The following LHFPL3 variants were observed in gnomAD, a reference collection of about 807,000 sequenced individuals.
LHFPL3 encodes the protein LHFPL tetraspan subfamily member 3, also known as LHFPL tetraspan subfamily member 3 protein.
A neutral mutation model predicts 19.3 loss-of-function variants in LHFPL3; 5 were observed. The ratio of observed to expected loss-of-function variants is 0.26; its 90% CI spans 0.14 to 0.54. The LOEUF is 0.54. Ranked by LOEUF, LHFPL3 falls within the 20% of genes least tolerant of loss-of-function variation. The probability of loss-of-function intolerance (pLI) is 0.94; values close to 1 mark genes in which losing one functional copy is unlikely to be tolerated. For missense variants in LHFPL3, 249 were observed against 307.4 expected, an observed-to-expected ratio of 0.81 and a Z score of 1.42; for synonymous variants, 133 against 126.2, an observed-to-expected ratio of 1.05 and a Z score of -0.36.
chr7:104,754,269 G>A (rs2116353008), intron 2 of LHFPL3, among the ~76,000 whole-genome samples: 1 of 152,288 alleles, frequency 6.6e-6, no homozygotes, highest in African/African-American at 2.4e-5. Flanking sequence ...TTATCACTTA[G>A]ATAAATTAGA....
chr7:104,382,477 T>A (rs1790846838), intron 1 of LHFPL3, among the ~76,000 whole-genome samples: 1 of 152,166 alleles, frequency 6.6e-6, no homozygotes, highest in African/African-American at 2.4e-5. Context: ...AAACCACTGG[T>A]CTGGTTACCC....
At chr7:104,606,847 T>C (rs1791111873) in intron 1 of LHFPL3, among the ~76,000 whole-genome samples, 2 of 151,934 alleles carry the variant, frequency 1.3e-5, no homozygotes, top group African/African-American at 4.8e-5. Context: ...CATAAAGGTG[T>C]GGAAAATGGT....
intron 1 of LHFPL3, among the ~76,000 whole-genome samples, chr7:104,412,855 G>C (rs1427041244): frequency 6.6e-6 from 1 of 152,024 alleles, no homozygotes; most frequent in African/African-American, 2.4e-5. Context: ...CCTACTAAAA[G>C]CAATCTATTT....
chr7:104,849,841 A>G (rs916899046), intron 2 of LHFPL3, among the ~76,000 whole-genome samples: 1 of 152,252 alleles, frequency 6.6e-6, no homozygotes, highest in African/African-American at 2.4e-5. Flanking sequence ...ATAGTCAAAC[A>G]AGGTGGATCA....
At chr7:104,474,033 C>T (rs556711962) in intron 1 of LHFPL3, among the ~76,000 whole-genome samples, 1 of 152,256 alleles carries the variant, frequency 6.6e-6, no homozygotes, top group African/African-American at 2.4e-5. Flanking sequence ...ACTGCTCTGC[C>T]CTCAAACCTG....
At chr7:104,841,183 G>C (rs973607802) in intron 2 of LHFPL3, among the ~76,000 whole-genome samples, 1 of 152,094 alleles carries the variant, frequency 6.6e-6, no homozygotes, top group Non-Finnish European at 1.5e-5. Flanking sequence ...CCATCTTATA[G>C]AAAAATGCAC....
At chr7:104,364,526 T>G (rs1790448398) in intron 1 of LHFPL3, among the ~76,000 whole-genome samples, 1 of 152,220 alleles carries the variant, frequency 6.6e-6, no homozygotes, top group African/African-American at 2.4e-5. Flanking sequence ...AACCCAGATC[T>G]TCTACCAAAA....
intron 1 of LHFPL3, among the ~76,000 whole-genome samples, chr7:104,433,127 C>T (rs1403007119): frequency 1.3e-5 from 2 of 152,046 alleles, no homozygotes; most frequent in Non-Finnish European, 2.9e-5. Flanking sequence ...TAAAAGCTTG[C>T]CTTTTAAAAT....
intron 1 of LHFPL3, among the ~76,000 whole-genome samples, chr7:104,502,952 A>G (rs948945794): frequency 4.6e-5 from 7 of 152,172 alleles, no homozygotes; most frequent in Admixed American, 3.3e-4. Flanking sequence ...AGTATAAATC[A>G]TTTCAAATTT....
chr7:104,472,236 A>G (rs1394598779), intron 1 of LHFPL3, among the ~76,000 whole-genome samples: 2 of 151,942 alleles, frequency 1.3e-5, no homozygotes, highest in African/African-American at 2.4e-5. Context: ...AGTCACTATG[A>G]GCAAAACAAT....
intron 1 of LHFPL3, among the ~76,000 whole-genome samples, chr7:104,442,644 A>G (rs968074834): frequency 4.6e-5 from 7 of 152,232 alleles, no homozygotes; most frequent in African/African-American, 1.7e-4. Context: ...TTCTTCAGCC[A>G]GATGGTTCTG....
At chr7:104,771,206 T>C (rs530088311) in intron 2 of LHFPL3, among the ~76,000 whole-genome samples, 1 of 152,342 alleles carries the variant, frequency 6.6e-6, no homozygotes, top group South Asian at 2.1e-4. Flanking sequence ...GTTTGTTGAA[T>C]TAAATTAGAA....
chr7:104,898,845 G>A (rs1239941504), intron 2 of LHFPL3, among the ~76,000 whole-genome samples: 1 of 152,048 alleles, frequency 6.6e-6, no homozygotes, highest in East Asian at 1.9e-4. Flanking sequence ...GGCTAGGCAT[G>A]ATGGCTCATG....
intron 1 of LHFPL3, among the ~76,000 whole-genome samples, chr7:104,716,568 A>G (rs1260112657): frequency 6.6e-6 from 1 of 152,196 alleles, no homozygotes; most frequent in African/African-American, 2.4e-5. Flanking sequence ...AGACAATCTT[A>G]TTTATAATAG....
chr7:104,696,444 A>AGG (rs964557172), intron 1 of LHFPL3, among the ~76,000 whole-genome samples: 9 of 18,312 alleles, frequency 4.9e-4, no homozygotes, highest in African/African-American at 1.5e-3. Context: ...AAGTGTTACT[A>AGG]GGTGTGTGTG....
intron 1 of LHFPL3, among the ~76,000 whole-genome samples, chr7:104,559,244 G>T (rs957028913): frequency 3.0e-4 from 41 of 135,264 alleles, no homozygotes; most frequent in East Asian, 2.5e-3. Flanking sequence ...GATGGGGATG[G>T]CATTGAATCT....
intron 1 of LHFPL3, among the ~76,000 whole-genome samples, chr7:104,377,941 G>C (rs1386831181): frequency 1.3e-5 from 2 of 152,076 alleles, no homozygotes; most frequent in African/African-American, 2.4e-5. Flanking sequence ...AAATAAAATG[G>C]ATGCAGCACT....
rs141924456 is a variant in LHFPL3, at chr7:104,428,050, A to C, written c.445+98826A>C. ...AGATAATACCTCAGCATCACAGTGC[A>C]TCAGGGGGGTAATGGTAACATTTCA... is the stretch of plus-strand genomic sequence containing the variant. On this transcript the variant is annotated intron_variant, in intron 1 of 2. Transcript: ENST00000424859. Among the ~76,000 whole-genome samples, 117 of 152,334 alleles carry C rather than the reference A, an allele frequency of 7.7e-4. 1 individual carries two copies. Among genetic ancestry groups the C allele is most frequent in the African/African-American group, 2.8e-3 (116 of 41,580 alleles).
chr7:104,730,970 C>A (rs1363758458), intron 1 of LHFPL3, among the ~76,000 whole-genome samples: 1 of 152,160 alleles, frequency 6.6e-6, no homozygotes, highest in East Asian at 1.9e-4. Context: ...ATATGGCTAG[C>A]CAGTTTTCCC....
Sources: allele counts gnomAD v4.1 joint callset (sites outside exome capture counted in the v4.1 genomes callset), GRCh38; gene constraint gnomAD v4.1.1; transcripts MANE v1.5; gene names NCBI Gene and HGNC (gene_info 2026-07-23, HGNC 2026-07-21).